The following DNM3 variants were observed in gnomAD, a reference collection of about 807,000 sequenced individuals.
The protein encoded by DNM3 is dynamin-3.
DNM3 carries 47 observed loss-of-function variants against 101.6 expected under a neutral mutation model. The observed-to-expected ratio is 0.46, with a 90% confidence interval of 0.37 to 0.59. The LOEUF (loss-of-function observed/expected upper bound fraction) is 0.59. Ranked by LOEUF, DNM3 falls within the 20% of genes least tolerant of loss-of-function variation. DNM3 has a pLI of 0.00. For missense variants in DNM3, 849 were observed against 1,085.7 expected (o/e 0.78, Z 3.06); for synonymous variants, 385 against 387.9 (o/e 0.99, Z 0.09).
At chr1:172,358,317 A>T (rs144634066) in intron 17 of DNM3, among the ~76,000 whole-genome samples, 1 of 152,220 alleles carries the variant, frequency 6.6e-6, no homozygotes, top group East Asian at 1.9e-4. Flanking sequence ...GCTAGCTTTT[A>T]AAATCTACTA....
chr1:172,226,152 TG>T (rs2061111354), intron 14 of DNM3, among the ~76,000 whole-genome samples: 1 of 152,146 alleles, frequency 6.6e-6, no homozygotes, highest in Admixed American at 6.6e-5. Context: ...AAGAAAATGC[TG>T]GGTCAACAGA....
At chr1:172,175,848 A>G (rs1346116531) in intron 14 of DNM3, among the ~76,000 whole-genome samples, 2 of 151,800 alleles carry the variant, frequency 1.3e-5, no homozygotes, top group Non-Finnish European at 2.9e-5. Flanking sequence ...AGGTCCAGCT[A>G]AAAGGATGAA....
chr1:172,294,154 C>T (rs1376920138), intron 15 of DNM3, among the ~76,000 whole-genome samples: 1 of 152,212 alleles, frequency 6.6e-6, no homozygotes, highest in East Asian at 1.9e-4. Flanking sequence ...ATCACTCTTT[C>T]TGCTCTAAAG....
intron 16 of DNM3, among the ~76,000 whole-genome samples, chr1:172,314,607 G>T (rs1297422120): frequency 1.3e-5 from 2 of 152,230 alleles, no homozygotes; most frequent in East Asian, 3.8e-4. Flanking sequence ...GGCTCAGAGG[G>T]TCCTACGCCC....
Position 172,409,799 on chromosome 1 carries a change from G to A in DNM3, c.*1958G>A, listed in dbSNP as rs1046968036. On this transcript the variant is annotated 3_prime_UTR_variant, in exon 21 of 21. Transcript: ENST00000627582. ...GAATTCTCTAAAATAGGCAGCTAACGGATTATATACTTCAGGGTTTGGCTT... is the reference window on the plus strand; with the variant it reads ...GAATTCTCTAAAATAGGCAGCTAACAGATTATATACTTCAGGGTTTGGCTT... The A allele has an allele frequency of 4.1e-6, 4 of 985,478 alleles. No homozygotes were observed. The highest frequency in any genetic ancestry group is 6.2e-5 in the Admixed American group (1 of 16,234). 61.0% of individuals were successfully genotyped at this position (985,478 alleles called of 1,614,324 possible). A position where few individuals can be genotyped will look rare whatever the true frequency, so the allele number is the denominator to read the frequency against.
intron 1 of DNM3, among the ~76,000 whole-genome samples, chr1:171,917,052 T>A (rs1032741794): frequency 1.3e-5 from 2 of 152,350 alleles, no homozygotes; most frequent in Admixed American, 6.5e-5. Context: ...TAGTACCTGT[T>A]ATGCTTATTA....
chr1:171,854,933 G>C (rs1448705483), intron 1 of DNM3, among the ~76,000 whole-genome samples: 2 of 151,988 alleles, frequency 1.3e-5, no homozygotes. Flanking sequence ...TGTTTTATAG[G>C]TAAACTTGTG....
downstream of DNM3, among the ~76,000 whole-genome samples, chr1:172,415,897 G>C (rs1301146260): frequency 1.3e-5 from 2 of 152,078 alleles, no homozygotes; most frequent in Non-Finnish European, 2.9e-5. Context: ...TCTGGCCAGA[G>C]GAATGTCACC....
At chr1:172,239,798 CTCTTTT>C (rs1172413597) in intron 14 of DNM3, among the ~76,000 whole-genome samples, 6,315 of 106,772 alleles carry the variant, frequency 0.059, 673 homozygotes, top group African/African-American at 0.2. Context: ...CTTTTTTTTT[CTCTTTT>C]TTTTTTTTTT....
chr1:172,373,090 T>C (rs937282478), intron 17 of DNM3, among the ~76,000 whole-genome samples: 2 of 151,922 alleles, frequency 1.3e-5, no homozygotes, highest in African/African-American at 4.8e-5. Context: ...ATGGATTAAA[T>C]AGACATAAAC....
intron 19 of DNM3, among the ~76,000 whole-genome samples, 169 bp downstream of exon 19, chr1:172,387,528 G>A (rs1427960296): frequency 3.3e-5 from 5 of 151,934 alleles, no homozygotes; most frequent in East Asian, 1.9e-4. Flanking sequence ...GCGTGGTGGC[G>A]GGTGCCTGTA....
intron 10 of DNM3, among the ~76,000 whole-genome samples, chr1:172,067,070 A>C (rs1340384257): frequency 6.6e-6 from 1 of 152,082 alleles, no homozygotes; most frequent in Non-Finnish European, 1.5e-5. Context: ...AGCAAGTTTA[A>C]ATTGTGCTAA....
chr1:171,942,497 G>T (rs909123903), intron 2 of DNM3, among the ~76,000 whole-genome samples: 1 of 152,026 alleles, frequency 6.6e-6, no homozygotes, highest in African/African-American at 2.4e-5. Context: ...AATAATAGGT[G>T]AATATTAGAT....
intron 13 of DNM3, among the ~76,000 whole-genome samples, chr1:172,117,543 G>A (rs2056004836): frequency 6.6e-6 from 1 of 152,130 alleles, no homozygotes; most frequent in African/African-American, 2.4e-5. Context: ...CACCGTGTAA[G>A]AAGTGCCTTT....
At chr1:172,101,443 A>C (rs922265649) in intron 13 of DNM3, among the ~76,000 whole-genome samples, 1 of 152,196 alleles carries the variant, frequency 6.6e-6, no homozygotes, top group Non-Finnish European at 1.5e-5. Flanking sequence ...TGAGCAAATT[A>C]ATTAAACCTT....
rs1404338482 is a variant in DNM3, at chr1:172,081,864, C to T, written c.1455C>T (p.Tyr485=). ...VLLLIDIQVS[Y]INTNHEDFIG... is the part of the protein sequence containing the mutation. ...TATTGATTGACATTCAAGTCTCTTACATCAACACCAACCATGAAGACTTCA... is the reference window on the plus strand; with the variant it reads ...TATTGATTGACATTCAAGTCTCTTATATCAACACCAACCATGAAGACTTCA... The change falls in exon 12 of 21, where the codon TAC becomes TAT. Residue 485 remains tyrosine, a synonymous_variant. Coordinates refer to ENST00000627582, the MANE Select transcript of DNM3 (RefSeq NM_015569.5). 3 of 1,613,058 alleles carry T rather than the reference C, an allele frequency of 1.9e-6. No individual in the cohort carries two copies. The highest frequency in any genetic ancestry group is 3.3e-5 in the Admixed American group (2 of 59,910).
At chr1:172,233,268 A>G (rs1384132962) in intron 14 of DNM3, among the ~76,000 whole-genome samples, 1 of 152,158 alleles carries the variant, frequency 6.6e-6, no homozygotes, top group Non-Finnish European at 1.5e-5. Flanking sequence ...AACTCTCTAC[A>G]CAAATAAACT....
In DNM3 at chr1:171,988,965, G is replaced by T; in HGVS notation, c.406G>T (p.Asp136Tyr). Residue 136 changes from aspartate (D) to tyrosine (Y), a missense_variant, in exon 4 of 21, where the codon GAT becomes TAT. By Grantham distance (160) the Asp-to-Tyr change is radical. This residue lies in a region of DNM3 where 388 missense variants were observed against 483.0 expected (regional missense o/e 0.80). Transcript: ENST00000627582. ...CACAGTGTTAAATCTAACCCTTATT[G>T]ATCTACCTGGAATAACTAAAGTGCC... ...SPHVLNLTLI[D>Y]LPGITKVPVG... is the part of the protein sequence containing the mutation. 1 of 1,595,120 alleles carries T rather than the reference G, an allele frequency of 6.3e-7. No individual in the cohort carries two copies. Among genetic ancestry groups the T allele is most frequent in the East Asian group, 2.3e-5 (1 of 44,342 alleles).
intron 2 of DNM3, among the ~76,000 whole-genome samples, chr1:171,964,990 C>G (rs1181543059): frequency 2.0e-5 from 3 of 151,962 alleles, no homozygotes; most frequent in Non-Finnish European, 2.9e-5. Flanking sequence ...GCTGGGTGTC[C>G]TACAATTTAA....
Sources: allele counts gnomAD v4.1 joint callset (sites outside exome capture counted in the v4.1 genomes callset), GRCh38; gene constraint gnomAD v4.1.1; regional missense constraint gnomAD v4.1.1; transcripts MANE v1.5; gene names NCBI Gene and HGNC (gene_info 2026-07-23, HGNC 2026-07-21).